Variants in AGTPBP1 observed in about 807,000 individuals in gnomAD.
AGTPBP1 encodes ATP/GTP binding carboxypeptidase 1.
A neutral mutation model predicts 143.9 loss-of-function variants in AGTPBP1; 70 were observed. The ratio of observed to expected loss-of-function variants is 0.49; its 90% confidence interval spans 0.40 to 0.59. The LOEUF (loss-of-function observed/expected upper bound fraction) is 0.59, where lower values mean the gene tolerates loss of function less well. Ranked by LOEUF, AGTPBP1 falls within the 20% of genes least tolerant of loss-of-function variation. The probability of loss-of-function intolerance (pLI) is 0.00; values close to 1 mark genes in which losing one functional copy is unlikely to be tolerated. For missense variants in AGTPBP1, 1,229 were observed against 1,464.5 expected (o/e 0.84, Z 2.62); for synonymous variants, 463 against 500.2 (o/e 0.93, Z 0.99).
At chr9:85,642,518 G>A (rs112103336) in intron 13 of AGTPBP1, among the ~76,000 whole-genome samples, 2,562 of 151,692 alleles carry the variant, frequency 0.017, 36 homozygotes, top group African/African-American at 0.037. Flanking sequence ...TATTTTAGTA[G>A]TGACGGGGTT....
intron 12 of AGTPBP1, among the ~76,000 whole-genome samples, chr9:85,644,223 A>G (rs1204581517): frequency 6.6e-6 from 1 of 151,856 alleles, no homozygotes; most frequent in Non-Finnish European, 1.5e-5. Flanking sequence ...ATTATTGTAT[A>G]CTTATTATTA....
chr9:85,692,809 T>C lies in AGTPBP1; in HGVS notation c.37A>G (p.Thr13Ala), dbSNP rs1009590105. The change falls in exon 3 of 26, where the codon ACC (threonine) becomes GCC (alanine). Residue 13 changes from threonine (T) to alanine (A), a missense_variant. Coordinates refer to ENST00000357081, the MANE Select transcript of AGTPBP1 (RefSeq NM_001330701.2). ...KLKVIPEKSL[T>A]NNSRIVGLLA... ...AGTCCTACGATCCTAGAATTATTGG[T>C]AAGGCTAAAAAGAACGTAGAATGTT... 2.5e-6 allele frequency: 4 copies of C among 1,613,212 alleles called. No individual in the cohort carries two copies. Among genetic ancestry groups the C allele is most frequent in the Non-Finnish European group, 3.4e-6 (4 of 1,179,728 alleles).
At position 85,713,865 on chromosome 9, in the gene AGTPBP1, C is replaced by T. The variant is rs115867183; in HGVS notation, c.-33-1299G>A. Among the ~76,000 whole-genome samples, 802 of 152,058 alleles carry T rather than the reference C, an allele frequency of 5.3e-3. 8 individuals carry two copies. Among genetic ancestry groups the T allele is most frequent in the African/African-American group, 0.018 (746 of 41,484 alleles). On this transcript the variant is annotated intron_variant, in intron 1 of 25. Coordinates refer to ENST00000357081, the MANE Select transcript of AGTPBP1 (RefSeq NM_001330701.2). Reference sequence around the variant, plus strand: ...TAATTTTTTTTACTCTTTTTTAAGACACAACTACAAAATCAAAGTAACTTT... The same window carrying T: ...TAATTTTTTTTACTCTTTTTTAAGATACAACTACAAAATCAAAGTAACTTT...
intron 12 of AGTPBP1, among the ~76,000 whole-genome samples, chr9:85,645,846 T>G (rs1832777016): frequency 6.6e-6 from 1 of 152,158 alleles, no homozygotes; most frequent in Admixed American, 6.5e-5. Flanking sequence ...TGACAATAAT[T>G]TTATATTTTC....
intron 23 of AGTPBP1, 145 bp from the exon 24 acceptor site, chr9:85,579,241 G>T: frequency 1.3e-6 from 1 of 744,566 alleles, no homozygotes; most frequent in Non-Finnish European, 2.0e-6. Context: ...CATTCAAACA[G>T]CAAAACAATC....
At chr9:85,706,149 AG>A (rs1410219972) in intron 2 of AGTPBP1, among the ~76,000 whole-genome samples, 2 of 152,260 alleles carry the variant, frequency 1.3e-5, no homozygotes, top group African/African-American at 4.8e-5. Flanking sequence ...AAATGGAAAC[AG>A]GAAGAAATAT....
chr9:85,725,710 G>A lies in AGTPBP1; in HGVS notation c.-33-13144C>T, dbSNP rs150524486. Among the ~76,000 whole-genome samples, 1,385 of 152,200 alleles carry A rather than the reference G, an allele frequency of 9.1e-3. 12 individuals are homozygous for A. Among genetic ancestry groups the A allele is most frequent in the Middle Eastern group, 0.014 (4 of 294 alleles). On this transcript the variant is annotated intron_variant, in intron 1 of 25. Coordinates refer to ENST00000357081, the MANE Select transcript of AGTPBP1 (RefSeq NM_001330701.2). ...GAACTGCTTGAGCCCAAGAGTTCGAGACTAGCCTGCACAATATAGGGAGAC... is the reference window on the plus strand; with the variant it reads ...GAACTGCTTGAGCCCAAGAGTTCGAAACTAGCCTGCACAATATAGGGAGAC...
chr9:85,735,362 G>C (rs186077512), intron 1 of AGTPBP1, among the ~76,000 whole-genome samples: 4 of 152,176 alleles, frequency 2.6e-5, no homozygotes, highest in African/African-American at 9.7e-5. Context: ...AACAGTGCCT[G>C]CCAGGGAATG....
the AGTPBP1 span, among the ~76,000 whole-genome samples, chr9:85,773,254 G>A: frequency 1.1e-4 from 8 of 73,512 alleles, no homozygotes; most frequent in African/African-American, 4.4e-4. Flanking sequence ...GACAGAGAGA[G>A]ACTCCTTCTC....
In AGTPBP1 at chr9:85,633,172, A is replaced by T; in HGVS notation, c.1505T>A (p.Ile502Asn). 6.2e-7 allele frequency: 1 copy of T among 1,613,420 alleles called. No homozygotes were observed. The highest frequency in any genetic ancestry group is 8.5e-7 in the Non-Finnish European group (1 of 1,179,858). ...TTGTAATGTTCTATCATTATCTTTAATATCTTCTTTTGCTAGATCCATAAA... is the reference window on the plus strand; with the variant it reads ...TTGTAATGTTCTATCATTATCTTTATTATCTTCTTTTGCTAGATCCATAAA... ...STFMDLAKEDIKDNDRTLQQQ... is the reference protein window; with the variant it reads ...STFMDLAKEDNKDNDRTLQQQ... Residue 502 changes from isoleucine to asparagine, a missense_variant, in exon 14 of 26, where the codon ATT becomes AAT. Ile to Asn is a moderately radical substitution (Grantham distance 149). Coordinates refer to ENST00000357081, the MANE Select transcript of AGTPBP1 (RefSeq NM_001330701.2).
At chr9:85,760,659 T>C in the AGTPBP1 span, among the ~76,000 whole-genome samples, 2 of 152,098 alleles carry the variant, frequency 1.3e-5, no homozygotes, top group Non-Finnish European at 2.9e-5. Context: ...CCACAGCCAA[T>C]ATCGTACTGA....
At chr9:85,652,196 A>T (rs1351285710) in intron 11 of AGTPBP1, among the ~76,000 whole-genome samples, 1 of 152,094 alleles carries the variant, frequency 6.6e-6, no homozygotes, top group Non-Finnish European at 1.5e-5. Flanking sequence ...CTCCATAAAA[A>T]CCCTAAACAA....
At chr9:85,793,077 G>C in the AGTPBP1 span, among the ~76,000 whole-genome samples, 1 of 152,132 alleles carries the variant, frequency 6.6e-6, no homozygotes, top group Non-Finnish European at 1.5e-5. Context: ...AAGACTTGCT[G>C]AATCTATTTT....
At chr9:85,778,303 C>G in the AGTPBP1 span, among the ~76,000 whole-genome samples, 2 of 152,326 alleles carry the variant, frequency 1.3e-5, no homozygotes, top group African/African-American at 4.8e-5. Context: ...TCAGTTTCCA[C>G]CAAAGCCCAG....
At chr9:85,757,095 A>AT in the AGTPBP1 span, among the ~76,000 whole-genome samples, 2 of 151,978 alleles carry the variant, frequency 1.3e-5, no homozygotes, top group East Asian at 3.9e-4. Flanking sequence ...CTTTATTATT[A>AT]TTTTTTATTT....
chr9:85,714,904 T>C (rs542229480), intron 1 of AGTPBP1, among the ~76,000 whole-genome samples: 1 of 152,124 alleles, frequency 6.6e-6, no homozygotes, highest in East Asian at 1.9e-4. Flanking sequence ...CAAGACAACG[T>C]GGTGTAATGC....
intron 1 of AGTPBP1, among the ~76,000 whole-genome samples, chr9:85,734,360 C>T (rs1044213252): frequency 2.6e-5 from 4 of 152,020 alleles, no homozygotes; most frequent in Admixed American, 6.5e-5. Flanking sequence ...TTCTTTTCAA[C>T]TCTTCCAGAA....
intron 2 of AGTPBP1, among the ~76,000 whole-genome samples, chr9:85,694,765 C>T (rs1258246633): frequency 1.3e-5 from 2 of 152,182 alleles, no homozygotes; most frequent in East Asian, 3.8e-4. Context: ...CTGTATGCAG[C>T]TTGGCTCCTA....
intron 17 of AGTPBP1, among the ~76,000 whole-genome samples, chr9:85,615,794 C>T (rs1352173498): frequency 2.0e-5 from 3 of 151,812 alleles, no homozygotes; most frequent in Admixed American, 2.0e-4. Flanking sequence ...GCACGTGTAC[C>T]TGGCATACAG....
Sources: gnomAD v4.1 joint callset for allele counts (sites outside exome capture counted in the v4.1 genomes callset) on GRCh38, gnomAD v4.1.1 for gene constraint, MANE v1.5 for transcripts, NCBI Gene and HGNC (gene_info 2026-07-23, HGNC 2026-07-21) for gene names.